TGFBR2: variants seen among roughly 807,000 people sequenced by gnomAD.
The protein encoded by TGFBR2 is transforming growth factor beta receptor 2.
In TGFBR2, 18 loss-of-function variants were observed where a neutral mutation model predicts 49.0. That is an observed-to-expected ratio of 0.37 (90% CI 0.25 to 0.54). The LOEUF (loss-of-function observed/expected upper bound fraction) is 0.54, where lower values mean the gene tolerates loss of function less well. TGFBR2 is among the 20% of genes least tolerant of loss of function. The pLI, the probability that TGFBR2 is intolerant of heterozygous loss-of-function variation, is 0.85. For synonymous variants in TGFBR2, 282 were observed against 275.9 expected (o/e 1.02, Z -0.22); for missense variants, 525 against 722.6 (o/e 0.73, Z 3.13).
rs573414002 is a variant in TGFBR2 at position 30,636,846 on chromosome 3, C to T, written c.95-7901C>T. On this transcript the variant is annotated intron_variant, in intron 1 of 6. Transcript: ENST00000295754. ...TTGGGAGGCCAAGGTGGGCAGATCA[C>T]GAGGTCAGGAGATCGAGACCATCCT... 1.9e-4 allele frequency among the ~76,000 whole-genome samples: 29 copies of T among 151,834 alleles called. 1 individual carries two copies. The highest frequency in any genetic ancestry group is 2.1e-4 in the South Asian group (1 of 4,818).
At chr3:30,623,216 C>T in intron 1 of TGFBR2, 1 of 1,589,598 alleles carries the variant, frequency 6.3e-7, no homozygotes, top group South Asian at 1.1e-5. Context: ...AATGGAGGCC[C>T]AGAAAGATGA....
intron 3 of TGFBR2, among the ~76,000 whole-genome samples, chr3:30,660,552 C>T (rs9310939): frequency 0.029 from 4,462 of 152,070 alleles, 205 homozygotes; most frequent in African/African-American, 0.099. Flanking sequence ...TGGAAAGGGA[C>T]GGTAACAATT....
chr3:30,681,483 G>A (rs1419882162), intron 5 of TGFBR2, among the ~76,000 whole-genome samples: 1 of 152,162 alleles, frequency 6.6e-6, no homozygotes, highest in Non-Finnish European at 1.5e-5. Context: ...GAGGGTTGTG[G>A]AACTGGGAAG....
chr3:30,674,018 G>C (rs575264583), intron 4 of TGFBR2, 87 bp from the exon 5 acceptor site: 2 of 1,531,044 alleles, frequency 1.3e-6, no homozygotes, highest in African/African-American at 2.7e-5. Context: ...TCCTCTGCAC[G>C]TGTCAGGGGC....
intron 3 of TGFBR2, among the ~76,000 whole-genome samples, chr3:30,658,685 C>T (rs1699054354): frequency 6.6e-6 from 1 of 152,210 alleles, no homozygotes; most frequent in South Asian, 2.1e-4. Context: ...AAGTTTCATT[C>T]CTTCCTCTCT....
At chr3:30,611,713 C>T (rs983503449) in intron 1 of TGFBR2, among the ~76,000 whole-genome samples, 3 of 151,530 alleles carry the variant, frequency 2.0e-5, no homozygotes, top group African/African-American at 7.3e-5. Flanking sequence ...GGTGAAGCAG[C>T]GTTGGTTGAA....
intron 3 of TGFBR2, among the ~76,000 whole-genome samples, chr3:30,653,408 T>A (rs773558609): frequency 7.2e-5 from 11 of 151,900 alleles, no homozygotes; most frequent in Non-Finnish European, 1.3e-4. Context: ...TCTGCCACCA[T>A]GCCCGGCTAA....
At position 30,693,307 on chromosome 3, in the gene TGFBR2, AG is replaced by A. The variant is rs1699744783; in HGVS notation, c.*1710del. ...GAGAGGATTTGAATGTGGGACACAA[AG>A]GTCCCATTTGCAGTTAGAAAATTTG... On this transcript the variant is annotated 3_prime_UTR_variant, in exon 7 of 7. Coordinates refer to ENST00000295754, the MANE Select transcript of TGFBR2 (RefSeq NM_003242.6). 1 of 233,796 alleles carries A rather than the reference AG, an allele frequency of 4.3e-6. No individual in the cohort carries two copies. The highest frequency in any genetic ancestry group is 6.0e-5 in the East Asian group (1 of 16,700). The allele number at this position is 233,796 out of a possible 1,614,324, so 14.5% of individuals were successfully genotyped here.
intron 1 of TGFBR2, among the ~76,000 whole-genome samples, chr3:30,640,729 A>G (rs1428886020): frequency 6.6e-6 from 1 of 152,210 alleles, no homozygotes; most frequent in Non-Finnish European, 1.5e-5. Context: ...AAGGCTGACT[A>G]TATACTGCCT....
At chr3:30,626,188 G>T (rs1698328366) in intron 1 of TGFBR2, among the ~76,000 whole-genome samples, 1 of 152,176 alleles carries the variant, frequency 6.6e-6, no homozygotes, top group South Asian at 2.1e-4. Flanking sequence ...CACCAGAGAG[G>T]TCAAAGTACT....
intron 1 of TGFBR2, among the ~76,000 whole-genome samples, chr3:30,644,379 T>G (rs1234029011): frequency 2.6e-5 from 4 of 152,186 alleles, no homozygotes; most frequent in Non-Finnish European, 4.4e-5. Context: ...CCAGCTAAAC[T>G]ATAATTTCCT....
intron 2 of TGFBR2, among the ~76,000 whole-genome samples, chr3:30,649,192 G>A (rs911062357): frequency 7.2e-5 from 11 of 152,110 alleles, no homozygotes; most frequent in Admixed American, 2.0e-4. Context: ...GAGAGAATGC[G>A]ATTCAAGACA....
chr3:30,645,061 T>C, intron 2 of TGFBR2, 146 bp downstream of exon 2: 1 of 785,308 alleles, frequency 1.3e-6, no homozygotes, highest in Non-Finnish European at 2.1e-6. Context: ...CTCTTTCGAT[T>C]ATTAAATGTA....
At chr3:30,610,528 T>C (rs983911672) in intron 1 of TGFBR2, among the ~76,000 whole-genome samples, 3 of 152,166 alleles carry the variant, frequency 2.0e-5, no homozygotes, top group African/African-American at 7.2e-5. Flanking sequence ...GTGCTCTCTT[T>C]GAGGATAGGC....
At chr3:30,607,164 G>C (rs907640263) in intron 1 of TGFBR2, among the ~76,000 whole-genome samples, 187 bp downstream of exon 1, 1 of 152,198 alleles carries the variant, frequency 6.6e-6, no homozygotes. Flanking sequence ...TCTTGAAAAA[G>C]AGAAGGAAAG....
chr3:30,690,558 T>C (rs1699692433), intron 6 of TGFBR2, among the ~76,000 whole-genome samples: 1 of 152,182 alleles, frequency 6.6e-6, no homozygotes, highest in East Asian at 1.9e-4. Flanking sequence ...CTCTACAAAA[T>C]GTGTGGCCTA....
chr3:30,662,175 TAATTTTAAACATATCCCAA>T (rs956771876), intron 3 of TGFBR2, among the ~76,000 whole-genome samples: 4 of 152,222 alleles, frequency 2.6e-5, no homozygotes, highest in Non-Finnish European at 5.9e-5. Flanking sequence ...ATGTAAAGAA[TAATTTTAAACATATCCCAA>T]TATTTAGACT....
At position 30,694,053 on chromosome 3, in the gene TGFBR2, C is replaced by G. The variant is rs1263626922; in HGVS notation, c.*2454C>G. The stretch of plus-strand genomic sequence containing the variant: ...TATTTTTATTCTATGCATTGTTTGT[C>G]TTTTACATAAATAAAATGTTTATTA... On this transcript the variant is annotated 3_prime_UTR_variant, in exon 7 of 7. Coordinates refer to ENST00000295754, the MANE Select transcript of TGFBR2 (RefSeq NM_003242.6). The G allele has an allele frequency of 4.3e-6, 1 of 230,272 alleles. No homozygotes were observed. The highest frequency in any genetic ancestry group is 8.6e-6 in the Non-Finnish European group (1 of 116,050). 14.3% of individuals were successfully genotyped at this position (230,272 alleles called of 1,614,324 possible).
intron 1 of TGFBR2, among the ~76,000 whole-genome samples, chr3:30,640,210 A>G (rs1194316745): frequency 6.6e-6 from 1 of 152,232 alleles, no homozygotes; most frequent in African/African-American, 2.4e-5. Context: ...TGATACTATC[A>G]TATGCTGAGA....
Sources: allele counts gnomAD v4.1 joint callset (sites outside exome capture counted in the v4.1 genomes callset), GRCh38; gene constraint gnomAD v4.1.1; transcripts MANE v1.5; gene names NCBI Gene and HGNC (gene_info 2026-07-23, HGNC 2026-07-21).